Variants in BLOC1S3 observed in about 807,000 individuals in gnomAD.
The protein encoded by BLOC1S3 is biogenesis of lysosome-related organelles complex 1 subunit 3.
BLOC1S3 carries 7 observed loss-of-function variants against 9.1 expected under a neutral mutation model. That is an observed-to-expected ratio of 0.77 (90% CI 0.44 to 1.45). The LOEUF (loss-of-function observed/expected upper bound fraction) is 1.45, where lower values mean the gene tolerates loss of function less well. Among genes scored for constraint, BLOC1S3 ranks in the 40% most tolerant of loss-of-function variants. BLOC1S3 has a pLI of 0.01. For missense variants in BLOC1S3, 307 were observed against 315.2 expected, an observed-to-expected ratio of 0.97 and a Z score of 0.20; for synonymous variants, 145 against 158.4, an observed-to-expected ratio of 0.92 and a Z score of 0.64.
At chr19:45,215,985 G>A in intron 3 of BLOC1S3, 9 of 1,545,622 alleles carry the variant, frequency 5.8e-6, no homozygotes, top group African/African-American at 4.1e-5. Flanking sequence ...CCCTCCCTCA[G>A]GAGGCAGGAA....
chr19:45,198,189 C>G (rs1432145164), intron 2 of BLOC1S3, among the ~76,000 whole-genome samples: 1 of 152,176 alleles, frequency 6.6e-6, no homozygotes, highest in African/African-American at 2.4e-5. Context: ...GAGCAACCGT[C>G]CAAGAAAAAT....
At chr19:45,199,096 C>G (rs1257926524) in intron 2 of BLOC1S3, 1 of 152,052 alleles carries the variant, frequency 6.6e-6, no homozygotes, top group Non-Finnish European at 1.5e-5. Context: ...TATTAAATGC[C>G]TTGAAGGTAG....
At chr19:45,209,193 C>G (rs959745885) in intron 3 of BLOC1S3, among the ~76,000 whole-genome samples, 3 of 151,656 alleles carry the variant, frequency 2.0e-5, no homozygotes, top group African/African-American at 7.3e-5. Context: ...GGATTACAGG[C>G]GAGCACCACC....
downstream of BLOC1S3, among the ~76,000 whole-genome samples, chr19:45,183,229 C>T (rs917654611): frequency 2.6e-5 from 4 of 151,696 alleles, no homozygotes; most frequent in Non-Finnish European, 4.4e-5. Context: ...CCTGTAATTC[C>T]AGCACTTTGG....
At chr19:45,206,815 T>TA (rs1438818025) in intron 3 of BLOC1S3, among the ~76,000 whole-genome samples, 1 of 151,918 alleles carries the variant, frequency 6.6e-6, no homozygotes, top group East Asian at 1.9e-4. Context: ...GTAGGCTTAT[T>TA]AGCTATAGCT....
At chr19:45,216,257 C>G (rs1969833987) in intron 3 of BLOC1S3, 7 of 1,584,704 alleles carry the variant, frequency 4.4e-6, no homozygotes, top group Non-Finnish European at 6.0e-6. Context: ...ATTCCTGCCC[C>G]TCCTGGCTTG....
chr19:45,188,368 C>G (rs558405522), intron 2 of BLOC1S3, among the ~76,000 whole-genome samples: 1 of 151,776 alleles, frequency 6.6e-6, no homozygotes, highest in East Asian at 1.9e-4. Context: ...TAGAGATAGT[C>G]TCTGCCATGT....
intron 2 of BLOC1S3, among the ~76,000 whole-genome samples, chr19:45,193,991 G>A (rs1265282851): frequency 2.3e-5 from 3 of 131,142 alleles, no homozygotes; most frequent in Non-Finnish European, 4.8e-5. Context: ...TTTTAGTAGA[G>A]AAGGGGTTTC....
intron 3 of BLOC1S3, among the ~76,000 whole-genome samples, chr19:45,206,119 G>A (rs1424774864): frequency 1.3e-5 from 2 of 151,992 alleles, no homozygotes; most frequent in African/African-American, 4.8e-5. Context: ...AGGCCGAGGC[G>A]GGTGGATCAC....
downstream of BLOC1S3, among the ~76,000 whole-genome samples, chr19:45,182,495 C>CT (rs909387284): frequency 4.6e-5 from 7 of 152,184 alleles, no homozygotes; most frequent in South Asian, 2.1e-4. Flanking sequence ...TGGTGAAACT[C>CT]TATCTCCACT....
intron 2 of BLOC1S3, among the ~76,000 whole-genome samples, chr19:45,200,655 G>A (rs1969684420): frequency 6.6e-6 from 1 of 152,138 alleles, no homozygotes; most frequent in Non-Finnish European, 1.5e-5. Flanking sequence ...TTGGTCACTG[G>A]AGCCTTGTTT....
intron 3 of BLOC1S3, among the ~76,000 whole-genome samples, chr19:45,210,046 A>AAAAACAAAAACAAAAC (rs1555754903): frequency 6.6e-6 from 1 of 151,926 alleles, no homozygotes. Context: ...ACTCTGTCTC[A>AAAAACAAAAACAAAAC]AAAACAAAAC....
At chr19:45,216,376 C>G (rs543297028) in intron 3 of BLOC1S3, among the ~76,000 whole-genome samples, 4 of 152,036 alleles carry the variant, frequency 2.6e-5, no homozygotes, top group African/African-American at 7.2e-5. Context: ...GTCAGGACAT[C>G]GAGACCAACC....
At chr19:45,195,689 G>GCTTCAAGTGATTCTCCTGC (rs1692278012) in intron 2 of BLOC1S3, among the ~76,000 whole-genome samples, 2 of 151,594 alleles carry the variant, frequency 1.3e-5, no homozygotes, top group South Asian at 2.1e-4. Flanking sequence ...CCGCCTCCTG[G>GCTTCAAGTGATTCTCCTGC]CTTCAAGTGA....
In BLOC1S3 at chr19:45,214,039, C is replaced by G. The variant is rs541240045; in HGVS notation, n.283-2637C>G. Among the ~76,000 whole-genome samples the G allele has an allele frequency of 3.3e-5, 5 of 152,206 alleles. No homozygotes were observed. The East Asian group carries it at 9.6e-4, about 29-fold the overall frequency. The stretch of plus-strand genomic sequence containing the variant: ...ACCTCCTAATCTCAAGCTCAACCCC[C>G]TAAACCCAACCCAGCTAGCAAACTC... On this transcript the variant is annotated intron_variant and non_coding_transcript_variant, in intron 3 of 3. Transcript: ENST00000591569.
intron 2 of BLOC1S3, among the ~76,000 whole-genome samples, chr19:45,190,142 T>C (rs987869711): frequency 2.6e-5 from 4 of 151,542 alleles, no homozygotes; most frequent in South Asian, 2.1e-4. Context: ...TCAGTCACCA[T>C]GCCCAGCCAC....
At chr19:45,215,448 G>A (rs2122952878) in intron 3 of BLOC1S3, among the ~76,000 whole-genome samples, 1 of 151,892 alleles carries the variant, frequency 6.6e-6, no homozygotes, top group East Asian at 1.9e-4. Context: ...TCCAGCCAGG[G>A]AAACAGAGTG....
rs903581380 is a variant in BLOC1S3, at chr19:45,180,045, C to T, written c.*140C>T. 7.5e-6 allele frequency: 7 copies of T among 934,050 alleles called. No individual in the cohort carries two copies. The highest frequency in any genetic ancestry group is 1.1e-5 in the Non-Finnish European group (7 of 634,000). The allele number at this position is 934,050 out of a possible 1,614,324, so 57.9% of individuals were successfully genotyped here. A position where few individuals can be genotyped will look rare whatever the true frequency, so the allele number is the denominator to read the frequency against. ...GTCACCCATGGGGGCTAATCCGGTC[C>T]CCTTGGATAATGCTTTATATTGGAT... On this transcript the variant is annotated 3_prime_UTR_variant, in exon 2 of 2. Coordinates refer to ENST00000433642, the MANE Select transcript of BLOC1S3 (RefSeq NM_212550.5).
At chr19:45,197,349 T>C (rs8100000) in intron 2 of BLOC1S3, among the ~76,000 whole-genome samples, 61,409 of 150,772 alleles carry the variant, frequency 0.41, 13,275 homozygotes, top group Non-Finnish European at 0.46. Flanking sequence ...TAGCTGGGTG[T>C]GGTGGCAGGT....
Sources: allele counts gnomAD v4.1 joint callset (sites outside exome capture counted in the v4.1 genomes callset), GRCh38; gene constraint gnomAD v4.1.1; transcripts MANE v1.5; gene names NCBI Gene and HGNC (gene_info 2026-07-23, HGNC 2026-07-21).